The following CHN2 variants were observed in gnomAD, a reference collection of about 807,000 sequenced individuals.
CHN2 encodes the protein beta-chimaerin.
Under a neutral mutation model 56.3 loss-of-function variants are expected in CHN2, and 35 were observed. The observed-to-expected ratio is 0.62, with a 90% CI of 0.47 to 0.82. The LOEUF is 0.82. CHN2 is among the 40% of genes least tolerant of loss of function. CHN2 has a pLI of 0.00. For missense variants in CHN2, 491 were observed against 580.5 expected, an observed-to-expected ratio of 0.85 and a Z score of 1.58; for synonymous variants, 210 against 212.8, an observed-to-expected ratio of 0.99 and a Z score of 0.12.
chr7:29,461,677 A>G (rs560864405), intron 6 of CHN2, among the ~76,000 whole-genome samples: 2 of 152,350 alleles, frequency 1.3e-5, no homozygotes, highest in East Asian at 3.9e-4. Context: ...TAGTCTATGA[A>G]CTACCTTAAA....
At chr7:29,374,571 A>T (rs1005742855) in intron 3 of CHN2, among the ~76,000 whole-genome samples, 1 of 152,186 alleles carries the variant, frequency 6.6e-6, no homozygotes, top group Non-Finnish European at 1.5e-5. Flanking sequence ...AGGTGAGGTC[A>T]TAAGCGCTTG....
intron 6 of CHN2, among the ~76,000 whole-genome samples, chr7:29,415,149 CCAGTGACATAGGTT>C (rs955707936): frequency 6.6e-6 from 1 of 152,186 alleles, no homozygotes; most frequent in African/African-American, 2.4e-5. Flanking sequence ...TCGGGATGGG[CCAGTGACATAGGTT>C]CAGTAAGGCA....
chr7:29,257,184 C>A (rs972955841), intron 1 of CHN2, among the ~76,000 whole-genome samples: 1 of 152,126 alleles, frequency 6.6e-6, no homozygotes, highest in African/African-American at 2.4e-5. Context: ...ACCTGAGTAC[C>A]GTGAATGACC....
At chr7:29,339,254 A>G (rs937090159) in intron 1 of CHN2, among the ~76,000 whole-genome samples, 3 of 152,124 alleles carry the variant, frequency 2.0e-5, no homozygotes, top group Non-Finnish European at 4.4e-5. Flanking sequence ...AGTTTGCTAT[A>G]CTTTTTTTTA....
intron 6 of CHN2, among the ~76,000 whole-genome samples, chr7:29,406,993 C>G (rs1019035105): frequency 6.6e-6 from 1 of 152,154 alleles, no homozygotes; most frequent in South Asian, 2.1e-4. Flanking sequence ...TAAGGAACAG[C>G]GTATCTCAAA....
intron 1 of CHN2, among the ~76,000 whole-genome samples, chr7:29,274,621 C>T (rs546506920): frequency 3.9e-5 from 6 of 152,216 alleles, no homozygotes; most frequent in East Asian, 1.9e-4. Context: ...TTTCACTCAG[C>T]GCCAGTCTAT....
intron 1 of CHN2, among the ~76,000 whole-genome samples, chr7:29,347,750 AT>A (rs1435355516): frequency 6.6e-6 from 1 of 152,246 alleles, no homozygotes; most frequent in African/African-American, 2.4e-5. Flanking sequence ...TCAATTAGAA[AT>A]TATTACATAA....
intron 1 of CHN2, among the ~76,000 whole-genome samples, chr7:29,238,087 G>A (rs1373695698): frequency 7.0e-6 from 1 of 142,998 alleles, no homozygotes. Flanking sequence ...GTACGATCTC[G>A]GCTTGCTGCA....
chr7:29,302,848 C>T (rs1793806315), intron 1 of CHN2, among the ~76,000 whole-genome samples: 1 of 152,208 alleles, frequency 6.6e-6, no homozygotes, highest in Admixed American at 6.5e-5. Context: ...TAAGTAGAAT[C>T]ATATGCTTTT....
At chr7:29,351,048 C>T (rs1400235105) in intron 1 of CHN2, among the ~76,000 whole-genome samples, 2 of 136,742 alleles carry the variant, frequency 1.5e-5, no homozygotes, top group East Asian at 2.2e-4. Flanking sequence ...GCGGAGGTTG[C>T]GATGAGCTGA....
At chr7:29,359,711 C>G (rs879501761) in intron 2 of CHN2, among the ~76,000 whole-genome samples, 12 of 152,158 alleles carry the variant, frequency 7.9e-5, no homozygotes, top group Non-Finnish European at 1.0e-4. Flanking sequence ...TTTCAATGCT[C>G]TAAAAGAAGA....
chr7:29,243,429 A>G (rs1787837728), intron 1 of CHN2, among the ~76,000 whole-genome samples: 1 of 152,212 alleles, frequency 6.6e-6, no homozygotes, highest in Non-Finnish European at 1.5e-5. Context: ...AACTGCATGC[A>G]CTTTTTTTTC....
intron 3 of CHN2, among the ~76,000 whole-genome samples, chr7:29,384,679 AT>A (rs1257802531): frequency 1.3e-5 from 2 of 152,056 alleles, no homozygotes; most frequent in African/African-American, 4.8e-5. Flanking sequence ...AATATAAATA[AT>A]TTTGTCAATT....
intron 1 of CHN2, among the ~76,000 whole-genome samples, chr7:29,241,722 G>A (rs1199152901): frequency 6.6e-6 from 1 of 152,090 alleles, no homozygotes; most frequent in Non-Finnish European, 1.5e-5. Context: ...CAGGTAGTAG[G>A]TCCTGAAGGA....
At chr7:29,245,163 A>T (rs961357905) in intron 1 of CHN2, among the ~76,000 whole-genome samples, 1 of 152,112 alleles carries the variant, frequency 6.6e-6, no homozygotes, top group African/African-American at 2.4e-5. Context: ...TTTCTTCTTT[A>T]TGGGAACTTT....
rs548301421 is a variant in CHN2, at chr7:29,324,682, G to C, written c.50-29943G>C. 3.8e-4 allele frequency among the ~76,000 whole-genome samples: 57 copies of C among 151,542 alleles called. 2 individuals carry two copies. The South Asian group carries it at 0.01, about 27-fold the overall frequency. ...AAAATTTTATTGAATTTGGTGCCAA[G>C]CTATTCAGGTCTTTTTAAATCCACA... On this transcript the variant is annotated intron_variant, in intron 1 of 12. Coordinates refer to ENST00000222792, the MANE Select transcript of CHN2 (RefSeq NM_004067.4).
At chr7:29,276,366 C>T (rs1350908744) in intron 1 of CHN2, among the ~76,000 whole-genome samples, 1 of 152,146 alleles carries the variant, frequency 6.6e-6, no homozygotes, top group Non-Finnish European at 1.5e-5. Flanking sequence ...TGGAGGCTGT[C>T]CCATGGGGCC....
At chr7:29,272,699 T>C (rs551554086) in intron 1 of CHN2, among the ~76,000 whole-genome samples, 2 of 152,230 alleles carry the variant, frequency 1.3e-5, no homozygotes, top group Admixed American at 6.5e-5. Flanking sequence ...TCAGTCAATA[T>C]ATGCCGTATT....
In CHN2 at chr7:29,239,134, G is replaced by T. The variant is rs564512811; in HGVS notation, c.49+44144G>T. ...AATTAGGTGCAGCATTTAGGGGACT[G>T]TTCCAATAATCTCAAAGGGAGATGA... On this transcript the variant is annotated intron_variant, in intron 1 of 12. Transcript: ENST00000222792. 1.4e-4 allele frequency among the ~76,000 whole-genome samples: 22 copies of T among 152,302 alleles called. No individual in the cohort carries two copies. In the South Asian group the frequency reaches 4.6e-3, roughly 32 times the overall value.
Sources: gnomAD v4.1 joint callset for allele counts (sites outside exome capture counted in the v4.1 genomes callset) on GRCh38, gnomAD v4.1.1 for gene constraint, MANE v1.5 for transcripts, NCBI Gene and HGNC (gene_info 2026-07-23, HGNC 2026-07-21) for gene names.